NEB: variants seen among roughly 807,000 people sequenced by gnomAD.
NEB encodes the protein nebulin.
Under a neutral mutation model 952.2 loss-of-function variants are expected in NEB, and 512 were observed. The ratio of observed to expected loss-of-function variants is 0.54; its 90% CI spans 0.50 to 0.58. The LOEUF (loss-of-function observed/expected upper bound fraction) is 0.58, where lower values mean the gene tolerates loss of function less well. Ranked by LOEUF, NEB falls within the 20% of genes least tolerant of loss-of-function variation. NEB has a pLI of 0.00. For missense variants in NEB, 8,428 were observed against 9,231.1 expected (o/e 0.91, Z 3.56); for synonymous variants, 2,900 against 3,149.8 (o/e 0.92, Z 2.66).
At chr2:151,633,607 T>C in intron 65 of NEB, 47 bp downstream of exon 65, 1 of 1,556,856 alleles carries the variant, frequency 6.4e-7, no homozygotes, top group Non-Finnish European at 8.7e-7. Context: ...TTTCACATAG[T>C]TTAAATTATT....
chr2:151,552,609 C>A, intron 128 of NEB, 63 bp downstream of exon 128: 1 of 1,202,572 alleles, frequency 8.3e-7, no homozygotes, highest in Admixed American at 1.9e-5. Context: ...GTTTTTGCCA[C>A]CTCTGCTTGA....
chr2:151,546,082 A>G, intron 134 of NEB, 84 bp from the exon 135 acceptor site: 1 of 960,612 alleles, frequency 1.0e-6, no homozygotes, highest in Non-Finnish European at 1.6e-6. Flanking sequence ...AATGTCTGGC[A>G]TGTGTAAGCT....
At chr2:151,489,869 A>G (rs1055313130) in intron 181 of NEB, 102 bp downstream of exon 181, 2 of 768,246 alleles carry the variant, frequency 2.6e-6, no homozygotes, top group African/African-American at 1.8e-5. Flanking sequence ...TATAAAATAG[A>G]AGGTTTGGTT....
intron 61 of NEB, 97 bp from the exon 62 acceptor site, chr2:151,640,157 A>G (rs942078785): frequency 2.0e-6 from 3 of 1,489,212 alleles, no homozygotes; most frequent in Middle Eastern, 1.9e-4. Flanking sequence ...CTCAAAATTT[A>G]GTTTGGTGGA....
At chr2:151,534,514 G>A (rs974895492) in intron 142 of NEB, among the ~76,000 whole-genome samples, 7 of 152,202 alleles carry the variant, frequency 4.6e-5, no homozygotes, top group African/African-American at 1.7e-4. Flanking sequence ...TGGAGTGTGG[G>A]ATAGGTCAGA....
At chr2:151,487,428 A>T (rs891534930) in intron 181 of NEB, among the ~76,000 whole-genome samples, 4 of 152,248 alleles carry the variant, frequency 2.6e-5, no homozygotes, top group Non-Finnish European at 4.4e-5. Flanking sequence ...TCAAATTCAC[A>T]AATAGATTTC....
Position 151,568,426 on chromosome 2 carries a change from A to AG in NEB, c.17635-10_17635-9insC. 6.2e-7 allele frequency: 1 copy of AG among 1,611,426 alleles called. No individual in the cohort carries two copies. Among genetic ancestry groups the AG allele is most frequent in the Non-Finnish European group, 8.5e-7 (1 of 1,178,082 alleles). The stretch of plus-strand genomic sequence containing the variant: ...TCTTTCCGGTATTTAATCTAAAAAA[A>AG]AAAAAATGAGAGGCAAGGGGGCAAG... On this transcript the variant is annotated splice_polypyrimidine_tract_variant and intron_variant, in intron 111 of 181. Coordinates refer to ENST00000397345, the MANE Select transcript of NEB (RefSeq NM_001164508.2).
chr2:151,501,388 T>C lies in NEB; in HGVS notation c.24021+3A>G. The C allele has an allele frequency of 1.9e-6, 3 of 1,539,032 alleles. No homozygotes were observed. Among genetic ancestry groups the C allele is most frequent in the Non-Finnish European group, 2.6e-6 (3 of 1,136,056 alleles). On this transcript the variant is annotated splice_donor_region_variant and intron_variant, in intron 168 of 181. Coordinates refer to ENST00000397345, the MANE Select transcript of NEB (RefSeq NM_001164508.2). ...TGGAGTTAAAGAGCTTTCTCCCAAA[T>C]ACCGAGCTAAAGTTTTCTTGATTGA...
intron 9 of NEB, among the ~76,000 whole-genome samples, chr2:151,721,067 T>C (rs954538286): frequency 6.6e-6 from 1 of 152,186 alleles, no homozygotes; most frequent in Non-Finnish European, 1.5e-5. Context: ...CTAGGGCTTC[T>C]TTCTCTCCTT....
chr2:151,652,949 T>A (rs2099046782), intron 52 of NEB, among the ~76,000 whole-genome samples: 1 of 152,226 alleles, frequency 6.6e-6, no homozygotes, highest in Non-Finnish European at 1.5e-5. Context: ...ACCTCATTGA[T>A]TTATTTTAAT....
rs2154061498 is a variant in NEB, at chr2:151,627,795, G to C, written c.9871C>G (p.His3291Asp). ...TCTTCAATGTTCCGGGCTCCAATGT[G>C]GTGGCCGAGCTGCTTGCGGTAACCA... ...KDGYRKQLGH[H>D]IGARNIEDDP... Residue 3291 changes from histidine to aspartate, a missense_variant, in exon 69 of 182, where the codon CAC (histidine) becomes GAC (aspartate). By Grantham distance (81) the His-to-Asp change is moderately conservative. Coordinates refer to ENST00000397345, the MANE Select transcript of NEB (RefSeq NM_001164508.2). 3 of 1,613,908 alleles carry C rather than the reference G, an allele frequency of 1.9e-6. No individual in the cohort carries two copies. The highest frequency in any genetic ancestry group is 2.5e-6 in the Non-Finnish European group (3 of 1,179,846).
rs200200798 is a variant in NEB at position 151,573,902 on chromosome 2, ACTT to A, written c.17013+1790_17013+1792del. Among the ~76,000 whole-genome samples the A allele has an allele frequency of 8.4e-3, 1,279 of 152,080 alleles. 23 individuals carry two copies. Among genetic ancestry groups the A allele is most frequent in the African/African-American group, 0.029 (1,196 of 41,474 alleles). On this transcript the variant is annotated intron_variant, in intron 107 of 181. Transcript: ENST00000397345. ...ATTCTCTTTTTTAAGACTTAAAATG[ACTT>A]CTTCTGCAAATAATGATAATTTGGC...
chr2:151,532,192 A>G (rs10210564), intron 143 of NEB: 156,804 of 231,394 alleles, frequency 0.68, 53,739 homozygotes, highest in East Asian at 0.8. Flanking sequence ...CACCTCCCAG[A>G]TTCAAGCAAT....
chr2:151,704,857 G>T (rs2099698495), intron 13 of NEB, among the ~76,000 whole-genome samples: 1 of 152,180 alleles, frequency 6.6e-6, no homozygotes, highest in African/African-American at 2.4e-5. Flanking sequence ...GTAGACCGGA[G>T]CTGTTCCTAT....
At position 151,688,214 on chromosome 2, in the gene NEB, T is replaced by C. The variant is rs376759078; in HGVS notation, c.2415+78A>G. 204 of 1,190,904 alleles carry C rather than the reference T, an allele frequency of 1.7e-4. 2 individuals carry two copies. In the South Asian group the frequency reaches 2.7e-3, roughly 16 times the overall value. 73.8% of individuals were successfully genotyped at this position (1,190,904 alleles called of 1,614,324 possible). ...AAAGTTGTTTATTTGCACAATTCCT[T>C]GTCTTGTCTTTTAAAATTTAAAACA... On this transcript the variant is annotated intron_variant, in intron 25 of 181. Transcript: ENST00000397345.
At chr2:151,511,129 C>G (rs2073953855) in intron 161 of NEB, among the ~76,000 whole-genome samples, 1 of 152,226 alleles carries the variant, frequency 6.6e-6, no homozygotes. Context: ...CGTTAAAGAT[C>G]AGCAGTGTCA....
At chr2:151,718,794 C>T (rs1348299800) in intron 9 of NEB, among the ~76,000 whole-genome samples, 2 of 152,202 alleles carry the variant, frequency 1.3e-5, no homozygotes, top group African/African-American at 4.8e-5. Flanking sequence ...AAGTATGGTG[C>T]CCACAAATAA....
chr2:151,719,694 T>C (rs531322067), intron 9 of NEB, among the ~76,000 whole-genome samples: 13 of 152,160 alleles, frequency 8.5e-5, no homozygotes, highest in Non-Finnish European at 1.3e-4. Flanking sequence ...GCCAGGGCAA[T>C]ACGGTGAAAC....
At chr2:151,688,259 C>G (rs748209108) in intron 25 of NEB, 33 bp downstream of exon 25, 1 of 1,488,570 alleles carries the variant, frequency 6.7e-7, no homozygotes, top group Non-Finnish European at 9.3e-7. Flanking sequence ...TTCATGTACA[C>G]CAAACATAGG....
Sources: allele counts gnomAD v4.1 joint callset (sites outside exome capture counted in the v4.1 genomes callset), GRCh38; gene constraint gnomAD v4.1.1; transcripts MANE v1.5; gene names NCBI Gene and HGNC (gene_info 2026-07-23, HGNC 2026-07-21).